EGFLAM: variants seen among roughly 807,000 people sequenced by gnomAD.
EGFLAM encodes the protein pikachurin.
A neutral mutation model predicts 113.1 loss-of-function variants in EGFLAM; 79 were observed. That is an observed-to-expected ratio of 0.70 (90% confidence interval 0.58 to 0.84). The LOEUF (loss-of-function observed/expected upper bound fraction) is 0.84. EGFLAM is among the 40% of genes least tolerant of loss of function. The pLI is 0.00. For synonymous variants in EGFLAM, 504 were observed against 487.6 expected (o/e 1.03, Z -0.44); for missense variants, 1,265 against 1,291.6 (o/e 0.98, Z 0.32).
chr5:38,301,214 G>A lies in EGFLAM; in HGVS notation c.98-36306G>A, dbSNP rs2451016. Reference sequence around the variant, plus strand: ...CAGAGAGATAAGGAAGAACCCACAAGAGATTCTCAGGGGGAATGAAGTAAA... The same window carrying A: ...CAGAGAGATAAGGAAGAACCCACAAAAGATTCTCAGGGGGAATGAAGTAAA... On this transcript the variant is annotated intron_variant, in intron 1 of 21. Coordinates refer to ENST00000322350, the MANE Select transcript of EGFLAM (RefSeq NM_152403.4). Among the ~76,000 whole-genome samples the A allele has an allele frequency of 9.4e-3, 1,434 of 152,278 alleles. 23 individuals carry two copies. Among genetic ancestry groups the A allele is most frequent in the African/African-American group, 0.033 (1,361 of 41,550 alleles).
intron 20 of EGFLAM, among the ~76,000 whole-genome samples, chr5:38,460,080 C>T (rs960029320): frequency 2.0e-5 from 3 of 152,196 alleles, no homozygotes; most frequent in Non-Finnish European, 4.4e-5. Context: ...GCCTCTTACC[C>T]ATCTTTAAAG....
At chr5:38,355,756 CAA>C (rs1739747609) in intron 5 of EGFLAM, among the ~76,000 whole-genome samples, 1 of 152,116 alleles carries the variant, frequency 6.6e-6, no homozygotes, top group African/African-American at 2.4e-5. Flanking sequence ...CTCAAGGTCT[CAA>C]ATTCATATGT....
chr5:38,335,051 C>T (rs528338636), intron 1 of EGFLAM, among the ~76,000 whole-genome samples: 1 of 152,240 alleles, frequency 6.6e-6, no homozygotes, highest in African/African-American at 2.4e-5. Context: ...AAAAACTAGG[C>T]AGCCCCAAAT....
chr5:38,350,576 G>C lies in EGFLAM; in HGVS notation c.367G>C (p.Gly123Arg). The C allele has an allele frequency of 6.2e-7, 1 of 1,614,068 alleles. No homozygotes were observed. Residue 123 changes from glycine (G) to arginine (R), a missense_variant, in exon 4 of 22, where the codon GGG becomes CGG. Transcript: ENST00000322350. ...AGCAGCTTACAGCCAGGCTGGCAAA[G>C]GGCGGCTGAGCTCTCCTCGGCATGT... Reference protein sequence around the residue: ...SIAAYSQAGKGRLSSPRHVTT... With the variant: ...SIAAYSQAGKRRLSSPRHVTT...
chr5:38,445,894 C>T (rs1395605154), intron 17 of EGFLAM, among the ~76,000 whole-genome samples: 1 of 152,094 alleles, frequency 6.6e-6, no homozygotes, highest in South Asian at 2.1e-4. Flanking sequence ...CTGCTGGGGG[C>T]GCCCACAGAC....
At chr5:38,378,245 G>A (rs951506565) in intron 6 of EGFLAM, among the ~76,000 whole-genome samples, 2 of 151,934 alleles carry the variant, frequency 1.3e-5, no homozygotes, top group Non-Finnish European at 2.9e-5. Flanking sequence ...TACAGCTGTC[G>A]TTGGTTGTGT....
intron 1 of EGFLAM, among the ~76,000 whole-genome samples, chr5:38,322,034 G>T (rs757732683): frequency 1.3e-5 from 2 of 152,116 alleles, no homozygotes; most frequent in Non-Finnish European, 2.9e-5. Context: ...TCAAGAGGAG[G>T]CAACTTCTAT....
rs909790357 is a variant in EGFLAM at position 38,465,283 on chromosome 5, G to A, written c.*1297G>A. ...AGATCCCCATGATGGACTTACTAAG[G>A]GAAAGGTGAGATGAACACTGCCCCC... On this transcript the variant is annotated 3_prime_UTR_variant, in exon 22 of 22. Transcript: ENST00000322350. 2.0e-5 allele frequency among the ~76,000 whole-genome samples: 3 copies of A among 152,160 alleles called. No homozygotes were observed. Among genetic ancestry groups the A allele is most frequent in the African/African-American group, 7.2e-5 (3 of 41,452 alleles).
chr5:38,462,508 T>C, intron 20 of EGFLAM: 1 of 181,688 alleles, frequency 5.5e-6, no homozygotes, highest in Non-Finnish European at 1.2e-5. Flanking sequence ...TGCATAGCCT[T>C]CTCCTTCACT....
intron 1 of EGFLAM, among the ~76,000 whole-genome samples, chr5:38,321,401 T>C (rs1385562885): frequency 6.6e-6 from 1 of 152,176 alleles, no homozygotes; most frequent in African/African-American, 2.4e-5. Flanking sequence ...CTGCTGTGTG[T>C]TGCCCGGTTC....
chr5:38,402,473 TC>T (rs1388847843), intron 6 of EGFLAM, among the ~76,000 whole-genome samples: 6 of 152,196 alleles, frequency 3.9e-5, no homozygotes, highest in Non-Finnish European at 8.8e-5. Context: ...CTAAGAATGA[TC>T]AACATATGGT....
Position 38,425,052 on chromosome 5 carries a change from C to G in EGFLAM, c.1770C>G (p.Cys590Trp). Reference protein sequence around the residue: ...CTAIKADSYICLCPLGFKGRH... With the variant: ...CTAIKADSYIWLCPLGFKGRH... The stretch of plus-strand genomic sequence containing the variant: ...CAATCAAAGCCGACTCCTACATTTG[C>G]CTCTGTCCCCTTGGGTTTAAAGGTC... Residue 590 changes from cysteine (C) to tryptophan (W), a missense_variant, in exon 13 of 22, where the codon TGC becomes TGG. Coordinates refer to ENST00000322350, the MANE Select transcript of EGFLAM (RefSeq NM_152403.4). 6.2e-7 allele frequency: 1 copy of G among 1,614,072 alleles called. No homozygotes were observed.
At chr5:38,373,693 T>C (rs1265730435) in intron 6 of EGFLAM, among the ~76,000 whole-genome samples, 1 of 152,236 alleles carries the variant, frequency 6.6e-6, no homozygotes, top group African/African-American at 2.4e-5. Context: ...TTCTGTGACT[T>C]TGCTATTGTG....
At chr5:38,462,126 G>A (rs1362682713) in intron 20 of EGFLAM, among the ~76,000 whole-genome samples, 6 of 152,120 alleles carry the variant, frequency 3.9e-5, no homozygotes, top group Non-Finnish European at 7.4e-5. Flanking sequence ...CCGAGATCGC[G>A]CCACTGCACT....
chr5:38,330,577 T>C (rs1227381177), intron 1 of EGFLAM, among the ~76,000 whole-genome samples: 1 of 152,212 alleles, frequency 6.6e-6, no homozygotes, highest in East Asian at 1.9e-4. Flanking sequence ...TCTTCCTGTT[T>C]AAAATACCTA....
chr5:38,320,239 C>T (rs1028250456), intron 1 of EGFLAM, among the ~76,000 whole-genome samples: 15 of 152,182 alleles, frequency 9.9e-5, no homozygotes, highest in Non-Finnish European at 2.9e-5. Flanking sequence ...TATTAGACTA[C>T]ACCACTGGTT....
intron 18 of EGFLAM, among the ~76,000 whole-genome samples, chr5:38,449,690 G>GTGTA (rs1250093521): frequency 6.6e-6 from 1 of 152,066 alleles, no homozygotes; most frequent in Non-Finnish European, 1.5e-5. Flanking sequence ...GTGTGTGTGT[G>GTGTA]TGTATGTATA....
intron 1 of EGFLAM, among the ~76,000 whole-genome samples, chr5:38,331,378 A>G (rs1028337910): frequency 1.3e-5 from 2 of 152,178 alleles, no homozygotes; most frequent in Non-Finnish European, 2.9e-5. Context: ...CTGCCCTAAG[A>G]ACCCTCTGAA....
intron 5 of EGFLAM, among the ~76,000 whole-genome samples, chr5:38,366,491 A>G (rs1167766703): frequency 6.6e-6 from 1 of 152,210 alleles, no homozygotes; most frequent in African/African-American, 2.4e-5. Flanking sequence ...ATAATCATTC[A>G]TCATTTGCCA....
Sources: allele counts gnomAD v4.1 joint callset (sites outside exome capture counted in the v4.1 genomes callset), GRCh38; gene constraint gnomAD v4.1.1; transcripts MANE v1.5; gene names NCBI Gene and HGNC (gene_info 2026-07-23, HGNC 2026-07-21).